The following THBS4 variants were observed in gnomAD, a reference collection of about 807,000 sequenced individuals.
THBS4 encodes thrombospondin-4.
Under a neutral mutation model 115.7 loss-of-function variants are expected in THBS4, and 90 were observed. The observed-to-expected ratio is 0.78, with a 90% CI of 0.66 to 0.93. The LOEUF is 0.93. Among genes scored for constraint, THBS4 ranks in the 40% least tolerant of loss-of-function variants. The pLI is 0.00. For synonymous variants in THBS4, 460 were observed against 479.3 expected (o/e 0.96, Z 0.53); for missense variants, 1,087 against 1,232.7 (o/e 0.88, Z 1.77).
At position 80,077,063 on chromosome 5, in the gene THBS4, C is replaced by G; in HGVS notation, c.2086+15C>G. ...GGATAGCAACAGTAAGCAGGCTCAG[C>G]CCAGAGCTGCACAGCACCCCTGGGC... On this transcript the variant is annotated intron_variant, in intron 16 of 21. Transcript: ENST00000350881. The G allele has an allele frequency of 6.3e-7, 1 of 1,581,434 alleles. No homozygotes were observed. Among genetic ancestry groups the G allele is most frequent in the South Asian group, 1.2e-5 (1 of 85,006 alleles).
chr5:80,074,619 T>G (rs980663311), intron 15 of THBS4, among the ~76,000 whole-genome samples: 3 of 147,258 alleles, frequency 2.0e-5, no homozygotes, highest in African/African-American at 5.1e-5. Flanking sequence ...GCCACAGCTC[T>G]CTCTCTCTTT....
At chr5:80,072,210 G>A in intron 13 of THBS4, 68 bp from the exon 14 acceptor site, 1 of 1,429,276 alleles carries the variant, frequency 7.0e-7, no homozygotes, top group Non-Finnish European at 9.8e-7. Flanking sequence ...CCATGCGCCT[G>A]ATCTCTCCAG....
At chr5:80,079,546 C>G (rs1204026426) in intron 19 of THBS4, among the ~76,000 whole-genome samples, 2 of 152,144 alleles carry the variant, frequency 1.3e-5, no homozygotes, top group East Asian at 3.9e-4. Context: ...TAAATTTCAT[C>G]GATAGGTCCA....
At position 80,078,245 on chromosome 5, in the gene THBS4, G is replaced by A. The variant is rs779107241; in HGVS notation, c.2265+18G>A. The A allele has an allele frequency of 7.7e-6, 12 of 1,555,244 alleles. No individual in the cohort carries two copies. The highest frequency in any genetic ancestry group is 2.3e-5 in the East Asian group (1 of 43,096). On this transcript the variant is annotated intron_variant, in intron 17 of 21. Coordinates refer to ENST00000350881, the MANE Select transcript of THBS4 (RefSeq NM_003248.6). ...TGAACCAGGTGAGTGTCACATGGGC[G>A]GCAATGGCTCAGCCTTGCCTCTCAA... is the stretch of plus-strand genomic sequence containing the variant.
chr5:80,065,495 CTGT>C lies in THBS4; in HGVS notation c.1194+23_1194+25del. 5.6e-6 allele frequency: 9 copies of C among 1,609,700 alleles called. No individual in the cohort carries two copies. The highest frequency in any genetic ancestry group is 7.6e-6 in the Non-Finnish European group (9 of 1,177,346). On this transcript the variant is annotated intron_variant, in intron 9 of 21. Transcript: ENST00000350881. ...ATACTTTGGTAAGTATTTCTCACAG[CTGT>C]TGTTATCAAAGCAGAACCGGTTATT... is the stretch of plus-strand genomic sequence containing the variant.
rs1027427745 is a variant in THBS4, at chr5:80,060,439, A to G, written c.987+534A>G. Reference sequence around the variant, plus strand: ...AATACCAGCTATTTGACCGGCTGGCAGAGCCCCAGAAGAGACTGTTTCAAG... The same window carrying G: ...AATACCAGCTATTTGACCGGCTGGCGGAGCCCCAGAAGAGACTGTTTCAAG... On this transcript the variant is annotated intron_variant, in intron 7 of 21. Transcript: ENST00000350881. 2.0e-5 allele frequency among the ~76,000 whole-genome samples: 3 copies of G among 152,348 alleles called. No individual in the cohort carries two copies. In the East Asian group the frequency reaches 5.8e-4, roughly 29 times the overall value.
intron 17 of THBS4, among the ~76,000 whole-genome samples, 175 bp downstream of exon 17, chr5:80,078,402 T>A (rs953918521): frequency 6.6e-6 from 1 of 152,170 alleles, no homozygotes; most frequent in Admixed American, 6.5e-5. Flanking sequence ...TTACAGAGGA[T>A]GAAATTGTCT....
chr5:80,008,412 G>A (rs957387465), intron 2 of THBS4, among the ~76,000 whole-genome samples: 12 of 150,914 alleles, frequency 8.0e-5, no homozygotes, highest in African/African-American at 2.9e-4. Flanking sequence ...CCACATTATT[G>A]TTTTTTTTTA....
At chr5:80,058,147 A>T in intron 3 of THBS4, 59 bp from the exon 4 acceptor site, 1 of 1,337,710 alleles carries the variant, frequency 7.5e-7, no homozygotes, top group Non-Finnish European at 1.0e-6. Flanking sequence ...GTGAGTAGGC[A>T]AGCACATTGG....
At position 79,991,332 on chromosome 5, in the gene THBS4, A is replaced by G. The variant is rs576487869; in HGVS notation, n.1A>G. 8.2e-5 allele frequency: 95 copies of G among 1,158,890 alleles called. 2 individuals are homozygous for G. In the South Asian group the frequency reaches 1.5e-3, roughly 18 times the overall value. 71.8% of individuals were successfully genotyped at this position (1,158,890 alleles called of 1,614,324 possible). On this transcript the variant is annotated non_coding_transcript_exon_variant, in exon 1 of 4. Transcript: ENST00000510218. Reference sequence around the variant, plus strand: ...GGGCGTGGCTAAGGGAGGGAAGGGTAATTTGGGGGCTCTTGAGAGATGAGA... The same window carrying G: ...GGGCGTGGCTAAGGGAGGGAAGGGTGATTTGGGGGCTCTTGAGAGATGAGA...
chr5:80,010,687 A>G (rs1832106379), intron 2 of THBS4, among the ~76,000 whole-genome samples: 1 of 152,224 alleles, frequency 6.6e-6, no homozygotes, highest in Admixed American at 6.5e-5. Context: ...CACTGGAGGA[A>G]AGGAAGGAAG....
intron 2 of THBS4, among the ~76,000 whole-genome samples, chr5:80,007,225 G>A (rs1343929810): frequency 6.6e-6 from 1 of 152,194 alleles, no homozygotes; most frequent in African/African-American, 2.4e-5. Flanking sequence ...CTAACAGGGA[G>A]TAATTAAGTT....
At chr5:80,001,472 T>C (rs1416684830) in intron 2 of THBS4, among the ~76,000 whole-genome samples, 1 of 152,196 alleles carries the variant, frequency 6.6e-6, no homozygotes, top group Non-Finnish European at 1.5e-5. Context: ...ATGGCGTACA[T>C]GGAGGAGATA....
At chr5:80,065,677 T>G (rs1833794386) in intron 9 of THBS4, among the ~76,000 whole-genome samples, 200 bp downstream of exon 9, 1 of 152,248 alleles carries the variant, frequency 6.6e-6, no homozygotes. Context: ...AGAATAATTT[T>G]ATAAGTGCCA....
intron 2 of THBS4, among the ~76,000 whole-genome samples, chr5:80,028,443 G>A (rs1379786867): frequency 2.0e-5 from 3 of 151,324 alleles, no homozygotes; most frequent in African/African-American, 4.9e-5. Flanking sequence ...TACCTCCCCC[G>A]CACCATACTT....
At chr5:80,042,977 G>GA (rs964565550) in intron 2 of THBS4, among the ~76,000 whole-genome samples, 12 of 146,884 alleles carry the variant, frequency 8.2e-5, no homozygotes, top group Middle Eastern at 3.4e-3. Context: ...TGTCTCAAAA[G>GA]AAAAAAAAAA....
chr5:80,030,628 A>G (rs1832567355), upstream of THBS4, among the ~76,000 whole-genome samples: 1 of 151,988 alleles, frequency 6.6e-6, no homozygotes. Flanking sequence ...CGGCCTCCCA[A>G]AGTGCTGAGA....
At chr5:80,056,752 A>G (rs1833446407) in intron 3 of THBS4, among the ~76,000 whole-genome samples, 1 of 151,876 alleles carries the variant, frequency 6.6e-6, no homozygotes, top group African/African-American at 2.4e-5. Context: ...TATATAAGCC[A>G]ATGTCAAATC....
intron 2 of THBS4, among the ~76,000 whole-genome samples, chr5:80,006,360 A>G (rs1832019379): frequency 6.6e-6 from 1 of 152,128 alleles, no homozygotes; most frequent in African/African-American, 2.4e-5. Context: ...ACAAGATCTG[A>G]TAGTTTTATC....
Sources: gnomAD v4.1 joint callset for allele counts (sites outside exome capture counted in the v4.1 genomes callset) on GRCh38, gnomAD v4.1.1 for gene constraint, MANE v1.5 for transcripts, NCBI Gene and HGNC (gene_info 2026-07-23, HGNC 2026-07-21) for gene names.